SEMA3A: variants seen among roughly 807,000 people sequenced by gnomAD.
SEMA3A encodes the protein semaphorin 3A, also known as semaphorin-3A.
Under a neutral mutation model 97.9 loss-of-function variants are expected in SEMA3A, and 29 were observed. That is an observed-to-expected ratio of 0.30 (90% CI 0.22 to 0.40). The LOEUF is 0.40. Among genes scored for constraint, SEMA3A ranks in the 10% least tolerant of loss-of-function variants. The pLI is 1.00. For missense variants in SEMA3A, 763 were observed against 951.3 expected (o/e 0.80, Z 2.60); for synonymous variants, 321 against 323.7 (o/e 0.99, Z 0.09).
chr7:84,196,532 T>C (rs956752972), upstream of SEMA3A, among the ~76,000 whole-genome samples: 1 of 152,208 alleles, frequency 6.6e-6, no homozygotes, highest in Non-Finnish European at 1.5e-5. Context: ...CAGATCTTAT[T>C]GTATTTGTCA....
chr7:84,188,038 C>G (rs1797936199), intron 1 of SEMA3A, among the ~76,000 whole-genome samples: 1 of 152,020 alleles, frequency 6.6e-6, no homozygotes. Context: ...ATGATTGCTG[C>G]AACGCTTTAA....
intron 1 of SEMA3A, among the ~76,000 whole-genome samples, chr7:84,467,304 C>T (rs1433087948): frequency 1.3e-5 from 2 of 151,868 alleles, no homozygotes; most frequent in Non-Finnish European, 1.5e-5. Context: ...GAGTGGATCA[C>T]GAGGTCAGGA....
chr7:84,073,677 C>T lies in SEMA3A; in HGVS notation c.454-13119G>A, dbSNP rs182165167. 4.6e-5 allele frequency among the ~76,000 whole-genome samples: 7 copies of T among 152,010 alleles called. No individual in the cohort carries two copies. The East Asian group carries it at 1.2e-3, about 25-fold the overall frequency. On this transcript the variant is annotated intron_variant, in intron 4 of 16. Transcript: ENST00000265362. ...CACAAGCCTGGCAGCAGGCAAAGAA[C>T]GATTTGCCATAGCTTGGGAAGGGAA...
rs1386980125 is a variant in SEMA3A, at chr7:83,972,316, TA to T, written c.1717+4815del. ...ACTTGATGTCTTGTGATGTCATGGG[TA>T]ATATGCTTCGTATAGGGCAGGCTGA... is the stretch of plus-strand genomic sequence containing the variant. On this transcript the variant is annotated intron_variant, in intron 15 of 16. Coordinates refer to ENST00000265362, the MANE Select transcript of SEMA3A (RefSeq NM_006080.3). Among the ~76,000 whole-genome samples, 4 of 151,950 alleles carry T rather than the reference TA, an allele frequency of 2.6e-5. No homozygotes were observed. The East Asian group carries it at 7.7e-4, about 29-fold the overall frequency.
At position 84,419,798 on chromosome 7, in the gene SEMA3A, G is replaced by A. The variant is rs554452647; in HGVS notation, c.-245-47898C>T. Among the ~76,000 whole-genome samples the A allele has an allele frequency of 3.3e-5, 5 of 152,234 alleles. No homozygotes were observed. The East Asian group carries it at 9.7e-4, about 29-fold the overall frequency. On this transcript the variant is annotated intron_variant, in intron 1 of 3. Transcript: ENST00000424555. ...CTAGGGTATTCAACAGCAGATTTGG[G>A]CAGTCTAATCAGGAAATAAAGGCTA...
intron 3 of SEMA3A, among the ~76,000 whole-genome samples, chr7:84,229,204 T>C (rs1799060820): frequency 6.6e-6 from 1 of 152,116 alleles, no homozygotes; most frequent in African/African-American, 2.4e-5. Flanking sequence ...AAGTCTCTTT[T>C]TGAGCAGTAG....
At chr7:84,173,481 C>G (rs565129072) in intron 1 of SEMA3A, among the ~76,000 whole-genome samples, 1 of 149,614 alleles carries the variant, frequency 6.7e-6, no homozygotes, top group Admixed American at 6.7e-5. Flanking sequence ...ATCGGTTGAA[C>G]CCGGGAGGCG....
intron 5 of SEMA3A, among the ~76,000 whole-genome samples, chr7:84,049,201 C>T (rs975466644): frequency 1.3e-5 from 2 of 152,018 alleles, no homozygotes; most frequent in East Asian, 3.9e-4. Context: ...GAAATTACCT[C>T]CCACATGAAT....
chr7:84,133,568 G>A (rs574181230), intron 2 of SEMA3A, among the ~76,000 whole-genome samples: 1 of 152,012 alleles, frequency 6.6e-6, no homozygotes, highest in Non-Finnish European at 1.5e-5. Flanking sequence ...AACAGACAGG[G>A]ATGTATTCCA....
chr7:84,336,250 T>C (rs1262134524), intron 2 of SEMA3A, among the ~76,000 whole-genome samples: 1 of 152,120 alleles, frequency 6.6e-6, no homozygotes, highest in Non-Finnish European at 1.5e-5. Flanking sequence ...AAATGTGTGG[T>C]TAAATCCACA....
At chr7:84,166,873 C>A (rs1456001085) in intron 1 of SEMA3A, among the ~76,000 whole-genome samples, 1 of 78,600 alleles carries the variant, frequency 1.3e-5, no homozygotes, top group Non-Finnish European at 2.5e-5. Flanking sequence ...AAACTCTGTC[C>A]TCTGTCTCAA....
In SEMA3A at chr7:83,961,323, T is replaced by A; in HGVS notation, c.*48A>T. On this transcript the variant is annotated 3_prime_UTR_variant, in exon 17 of 17. Coordinates refer to ENST00000265362, the MANE Select transcript of SEMA3A (RefSeq NM_006080.3). ...ATATTGCATTTGTTTTTCCAGTTAT[T>A]GTCTAGGCAAGTTTCTACTTGTTTG... 1 of 1,458,836 alleles carries A rather than the reference T, an allele frequency of 6.9e-7. No individual in the cohort carries two copies. The highest frequency in any genetic ancestry group is 9.6e-7 in the Non-Finnish European group (1 of 1,043,398). 90.4% of individuals were successfully genotyped at this position (1,458,836 alleles called of 1,614,324 possible).
chr7:84,264,329 TA>T (rs1799937284), intron 3 of SEMA3A, among the ~76,000 whole-genome samples: 1 of 152,204 alleles, frequency 6.6e-6, no homozygotes, highest in Non-Finnish European at 1.5e-5. Flanking sequence ...GGGGGGCCTA[TA>T]ACAACAATGT....
At chr7:84,133,983 A>G (rs895415610) in intron 2 of SEMA3A, among the ~76,000 whole-genome samples, 7 of 151,786 alleles carry the variant, frequency 4.6e-5, no homozygotes, top group Non-Finnish European at 1.0e-4. Flanking sequence ...AATGGCGTGA[A>G]CCTGGGAGGC....
At chr7:84,195,509 T>C (rs954489016), upstream of SEMA3A, 11 of 151,860 alleles carry the variant, frequency 7.2e-5, no homozygotes, top group Non-Finnish European at 1.2e-4. Context: ...TTGTTAGAGA[T>C]CATTCCCTCC....
chr7:84,015,740 CATT>C (rs1430250803), intron 6 of SEMA3A, among the ~76,000 whole-genome samples: 3 of 152,158 alleles, frequency 2.0e-5, no homozygotes, highest in Non-Finnish European at 4.4e-5. Context: ...TGTGAATAAT[CATT>C]ATCATTTGTC....
At chr7:84,282,753 C>T (rs1800474063) in intron 3 of SEMA3A, among the ~76,000 whole-genome samples, 1 of 152,134 alleles carries the variant, frequency 6.6e-6, no homozygotes. Context: ...GTGGCTCATG[C>T]CTGTAATCCC....
At chr7:84,204,944 T>C (rs977792279) in intron 3 of SEMA3A, among the ~76,000 whole-genome samples, 1 of 152,184 alleles carries the variant, frequency 6.6e-6, no homozygotes, top group African/African-American at 2.4e-5. Flanking sequence ...CCTCCATCTT[T>C]TGTGGCTTGC....
chr7:84,228,751 C>T (rs893372059), intron 3 of SEMA3A, among the ~76,000 whole-genome samples: 4 of 151,972 alleles, frequency 2.6e-5, no homozygotes, highest in Admixed American at 6.6e-5. Context: ...GGGATTCCTC[C>T]CTGCAGGATT....
Sources: gnomAD v4.1 joint callset for allele counts (sites outside exome capture counted in the v4.1 genomes callset) on GRCh38, gnomAD v4.1.1 for gene constraint, MANE v1.5 for transcripts, NCBI Gene and HGNC (gene_info 2026-07-23, HGNC 2026-07-21) for gene names.